The following CPVL variants were observed in gnomAD, a reference collection of about 807,000 sequenced individuals.
CPVL encodes the protein probable serine carboxypeptidase CPVL.
CPVL carries 51 observed loss-of-function variants against 63.7 expected under a neutral mutation model. The observed-to-expected ratio is 0.80, with a 90% CI of 0.64 to 1.01. The LOEUF (loss-of-function observed/expected upper bound fraction) is 1.01, where lower values mean the gene tolerates loss of function less well. Ranked by LOEUF, CPVL falls within the 50% of genes least tolerant of loss-of-function variation. The pLI, the probability that CPVL is intolerant of heterozygous loss-of-function variation, is 0.00. For missense variants in CPVL, 530 were observed against 573.1 expected (o/e 0.92, Z 0.77); for synonymous variants, 195 against 206.0 (o/e 0.95, Z 0.46).
chr7:29,071,927 T>A lies in CPVL; in HGVS notation c.733-23A>T, dbSNP rs779903610. 5 of 1,613,560 alleles carry A rather than the reference T, an allele frequency of 3.1e-6. 1 individual carries two copies. Among genetic ancestry groups the A allele is most frequent in the South Asian group, 2.2e-5 (2 of 90,968 alleles). On this transcript the variant is annotated intron_variant, in intron 8 of 12. Transcript: ENST00000265394. ...AATCTGAGGACAAAAAAGACACACA[T>A]CAATGTGACAAAGGGAGAGAAAGAG...
chr7:29,035,913 C>T (rs1446064822), intron 11 of CPVL, among the ~76,000 whole-genome samples: 1 of 152,130 alleles, frequency 6.6e-6, no homozygotes, highest in Non-Finnish European at 1.5e-5. Flanking sequence ...TAAAGGCACT[C>T]AAATGCTCTT....
chr7:29,071,704 T>C (rs1783752927), intron 9 of CPVL, 69 bp downstream of exon 9: 5 of 1,311,442 alleles, frequency 3.8e-6, no homozygotes, highest in Admixed American at 3.9e-5. Context: ...AAGGTGTTCC[T>C]GCTCACCCGC....
At chr7:29,064,621 A>G (rs758731027) in intron 10 of CPVL, among the ~76,000 whole-genome samples, 1 of 152,148 alleles carries the variant, frequency 6.6e-6, no homozygotes, top group Non-Finnish European at 1.5e-5. Context: ...AGAAGGTCAA[A>G]TGGATCACAA....
chr7:29,179,124 C>G (rs545801158), intron 5 of CPVL, among the ~76,000 whole-genome samples: 1 of 152,266 alleles, frequency 6.6e-6, no homozygotes, highest in Admixed American at 6.5e-5. Context: ...CTCATGGACC[C>G]TTTGAAAACA....
intron 1 of CPVL, chr7:29,192,835 CG>C (rs1562818886): frequency 6.6e-6 from 1 of 152,132 alleles, no homozygotes; most frequent in Non-Finnish European, 1.5e-5. Flanking sequence ...AAAATTCTAC[CG>C]GGCGACATAG....
intron 5 of CPVL, among the ~76,000 whole-genome samples, chr7:29,178,379 C>T (rs147512303): frequency 2.1e-3 from 318 of 152,266 alleles, no homozygotes; most frequent in African/African-American, 7.3e-3. Context: ...ACCTGGTCTT[C>T]CTCTGCGTGC....
chr7:29,195,053 C>G lies in CPVL; in HGVS notation c.-448+24G>C, dbSNP rs1204478995. On this transcript the variant is annotated intron_variant, in intron 1 of 16. Transcript: ENST00000409850. ...GTCTCGCCCCACTGCCCTCGCCCCG[C>G]AGCCTGGGATGGACAGAGCCTACCT... 2.0e-6 allele frequency: 3 copies of G among 1,525,672 alleles called. No homozygotes were observed. In the Admixed American group the frequency reaches 5.5e-5, roughly 28 times the overall value. The allele number at this position is 1,525,672 out of a possible 1,614,324, so 94.5% of individuals were successfully genotyped here. A position where few individuals can be genotyped will look rare whatever the true frequency, so the allele number is the denominator to read the frequency against.
chr7:29,053,923 G>C (rs1381931339), intron 11 of CPVL, among the ~76,000 whole-genome samples: 2 of 149,774 alleles, frequency 1.3e-5, no homozygotes, highest in South Asian at 4.2e-4. Context: ...AAAAGAAAAA[G>C]AAAAGCCAAC....
At chr7:29,138,723 C>CT (rs1466475724) in intron 1 of CPVL, among the ~76,000 whole-genome samples, 1 of 152,104 alleles carries the variant, frequency 6.6e-6, no homozygotes, top group Non-Finnish European at 1.5e-5. Context: ...ATGGACAGTC[C>CT]TTTTTTCTGA....
chr7:29,158,520 GTCTTTATGTGATAATATTGATACT>G (rs1174839957), intron 5 of CPVL, among the ~76,000 whole-genome samples: 5 of 36,734 alleles, frequency 1.4e-4, no homozygotes, highest in East Asian at 6.7e-4. Flanking sequence ...GTGTAGCCTA[GTCTTTATGTGATAATATTGATACT>G]TAAGTTTACC....
intron 5 of CPVL, among the ~76,000 whole-genome samples, chr7:29,167,687 CTA>C (rs751705695): frequency 5.9e-5 from 9 of 152,122 alleles, no homozygotes; most frequent in Non-Finnish European, 1.2e-4. Context: ...TTTTGTCAGA[CTA>C]TATAGTTTTG....
chr7:29,158,626 T>G (rs1412564267), intron 5 of CPVL, among the ~76,000 whole-genome samples: 1 of 151,950 alleles, frequency 6.6e-6, no homozygotes, highest in African/African-American at 2.4e-5. Context: ...ACTGTATGCC[T>G]GAATAGGTGA....
At chr7:29,147,100 C>T (rs1257812000), upstream of CPVL, 5 of 1,180,218 alleles carry the variant, frequency 4.2e-6, no homozygotes, top group Non-Finnish European at 4.7e-6. Context: ...GGTTAAGTAA[C>T]CCATCCAGGG....
chr7:29,006,929 A>C (rs1031442157), intron 12 of CPVL, among the ~76,000 whole-genome samples: 2 of 111,624 alleles, frequency 1.8e-5, no homozygotes, highest in Non-Finnish European at 3.9e-5. Flanking sequence ...TTCTTGCTTT[A>C]ACATCCCCAC....
At chr7:28,996,721 T>A (rs1429706317) in intron 12 of CPVL, among the ~76,000 whole-genome samples, 1 of 152,202 alleles carries the variant, frequency 6.6e-6, no homozygotes, top group East Asian at 1.9e-4. Flanking sequence ...AGTCATGAAC[T>A]TTCACTTTAC....
chr7:29,152,712 T>A (rs572987935), intron 5 of CPVL, among the ~76,000 whole-genome samples: 1 of 152,362 alleles, frequency 6.6e-6, no homozygotes, highest in Non-Finnish European at 1.5e-5. Flanking sequence ...CTGGGCTCTT[T>A]TGCTCTGAGA....
rs1478021705 is a variant in CPVL, at chr7:29,030,737, AGTTGGC to A, written c.1154_1159del (p.Gly385_Leu387delinsVal). The A allele has an allele frequency of 6.2e-7, 1 of 1,611,364 alleles. No homozygotes were observed. The highest frequency in any genetic ancestry group is 2.2e-5 in the East Asian group (1 of 44,630). ...CAGGGCAGCTGCCACGATGATGTCC[AGTTGGC>A]CATTGTAGATCAGAACCTGAAATGA... On this transcript the variant is annotated inframe_deletion, in exon 12 of 13. Transcript: ENST00000265394.
intron 3 of CPVL, 145 bp downstream of exon 3, chr7:29,112,559 T>C: frequency 1.7e-6 from 1 of 577,266 alleles, no homozygotes; most frequent in South Asian, 2.5e-5. Context: ...CAGGTTTGCT[T>C]ATTTTTAGAA....
intron 6 of CPVL, among the ~76,000 whole-genome samples, chr7:29,087,207 C>T (rs1012320360): frequency 5.3e-5 from 8 of 151,912 alleles, no homozygotes; most frequent in African/African-American, 1.5e-4. Flanking sequence ...GGGCGGATAA[C>T]GAGGTCAGGA....
Sources: gnomAD v4.1 joint callset for allele counts (sites outside exome capture counted in the v4.1 genomes callset) on GRCh38, gnomAD v4.1.1 for gene constraint, MANE v1.5 for transcripts, NCBI Gene and HGNC (gene_info 2026-07-23, HGNC 2026-07-21) for gene names.